The following MTR variants were observed in gnomAD, a reference collection of about 807,000 sequenced individuals.
MTR encodes 5-methyltetrahydrofolate-homocysteine methyltransferase.
MTR carries 84 observed loss-of-function variants against 154.8 expected under a neutral mutation model. The ratio of observed to expected loss-of-function variants is 0.54; its 90% confidence interval spans 0.45 to 0.65. MTR has a LOEUF of 0.65. Ranked by LOEUF, MTR falls within the 30% of genes least tolerant of loss-of-function variation. The probability of loss-of-function intolerance (pLI) is 0.00; values close to 1 mark genes in which losing one functional copy is unlikely to be tolerated. For synonymous variants in MTR, 554 were observed against 553.9 expected, an observed-to-expected ratio of 1.00 and a Z score of 0.00; for missense variants, 1,275 against 1,570.2, an observed-to-expected ratio of 0.81 and a Z score of 3.18.
rs1047668779 is a variant in MTR at position 236,884,978 on chromosome 1, C to T, written c.2677-143C>T. 3 of 686,782 alleles carry T rather than the reference C, an allele frequency of 4.4e-6. No individual in the cohort carries two copies. Among genetic ancestry groups the T allele is most frequent in the South Asian group, 1.6e-5 (1 of 64,458 alleles). The allele number at this position is 686,782 out of a possible 1,614,324, so 42.5% of individuals were successfully genotyped here. A position where few individuals can be genotyped will look rare whatever the true frequency, so the allele number is the denominator to read the frequency against. On this transcript the variant is annotated intron_variant, in intron 25 of 32. Coordinates refer to ENST00000366577, the MANE Select transcript of MTR (RefSeq NM_000254.3). ...CCCACTGAGTTTACCTTTTCCTGCACGCCAGGCAGGAATTAGCACAGTTGG... is the reference window on the plus strand; with the variant it reads ...CCCACTGAGTTTACCTTTTCCTGCATGCCAGGCAGGAATTAGCACAGTTGG...
chr1:236,858,398 C>G (rs1300159442), intron 18 of MTR, among the ~76,000 whole-genome samples: 1 of 152,142 alleles, frequency 6.6e-6, no homozygotes, highest in African/African-American at 2.4e-5. Context: ...GGGTCCCTCC[C>G]ACGACGTGTG....
At chr1:236,871,230 G>A (rs1665111118) in intron 22 of MTR, among the ~76,000 whole-genome samples, 1 of 152,156 alleles carries the variant, frequency 6.6e-6, no homozygotes, top group African/African-American at 2.4e-5. Flanking sequence ...TGGAGTCCAA[G>A]CTTCAGGTTG....
At chr1:236,854,539 A>G (rs887813693) in intron 18 of MTR, among the ~76,000 whole-genome samples, 2 of 152,174 alleles carry the variant, frequency 1.3e-5, no homozygotes, top group Admixed American at 6.5e-5. Context: ...TCTTCTACCT[A>G]GTAGGGGGTC....
At chr1:236,796,411 C>G (rs966704952) in intron 1 of MTR, among the ~76,000 whole-genome samples, 1 of 152,108 alleles carries the variant, frequency 6.6e-6, no homozygotes, top group Non-Finnish European at 1.5e-5. Flanking sequence ...CTCTAGATCT[C>G]TAAGGTCATG....
At chr1:236,828,818 T>TTG (rs369362781) in intron 11 of MTR, among the ~76,000 whole-genome samples, 4 of 151,984 alleles carry the variant, frequency 2.6e-5, no homozygotes, top group African/African-American at 9.6e-5. Flanking sequence ...GAAGCAAGGA[T>TTG]TGTGTGTGTG....
intron 5 of MTR, among the ~76,000 whole-genome samples, chr1:236,812,033 A>T (rs975026393): frequency 2.0e-5 from 3 of 152,194 alleles, no homozygotes; most frequent in African/African-American, 7.2e-5. Context: ...GGCGTGTGCC[A>T]TCACGCCTGG....
intron 24 of MTR, among the ~76,000 whole-genome samples, chr1:236,875,698 CATAGGTATGCCACAATAAAGGTCTGGTT>C (rs1382887461): frequency 6.6e-6 from 1 of 152,014 alleles, no homozygotes; most frequent in Non-Finnish European, 1.5e-5. Flanking sequence ...GGTCTGGTTC[CATAGGTATGCCACAATAAAGGTCTGGTT>C]ATAGGTATGC....
intron 11 of MTR, 81 bp from the exon 12 acceptor site, chr1:236,829,108 T>A: frequency 9.2e-7 from 1 of 1,091,222 alleles, no homozygotes; most frequent in South Asian, 1.3e-5. Context: ...AATTTTATAG[T>A]TAAAATTAGT....
intron 1 of MTR, among the ~76,000 whole-genome samples, chr1:236,797,357 A>G (rs1438251108): frequency 2.6e-5 from 4 of 152,208 alleles, no homozygotes; most frequent in Non-Finnish European, 5.9e-5. Flanking sequence ...ACTTCAGACC[A>G]TGGTTGTGTG....
In MTR at chr1:236,806,236, A is replaced by G; in HGVS notation, c.339+3A>G. On this transcript the variant is annotated splice_donor_region_variant and intron_variant, in intron 3 of 32. Coordinates refer to ENST00000366577, the MANE Select transcript of MTR (RefSeq NM_000254.3). ...CTGACTATGGCCTTGAACACTTGGT[A>G]AGAATTCCATTGTTCCATGTGTCTA... The G allele has an allele frequency of 1.2e-6, 2 of 1,610,680 alleles. No homozygotes were observed. Among genetic ancestry groups the G allele is most frequent in the Non-Finnish European group, 1.7e-6 (2 of 1,176,900 alleles).
rs1660811145 is a variant in MTR, at chr1:236,803,586, G to A, written c.193G>A (p.Gly65Ser). The change falls in exon 2 of 33, where the codon GGC (glycine) becomes AGC (serine). Residue 65 changes from glycine (G) to serine (S), a missense_variant. Physicochemically the swap from Gly to Ser is moderately conservative, Grantham distance 56. Transcript: ENST00000366577. The part of the protein sequence containing the change: ...EFKDHARPLK[G>S]NNDILSITQP... ...TAAAGATCATGCCAGGCCGCTGAAA[G>A]GCAACAATGACATTTTAAGTATAAC... 1 of 1,614,156 alleles carries A rather than the reference G, an allele frequency of 6.2e-7. No homozygotes were observed. The highest frequency in any genetic ancestry group is 8.5e-7 in the Non-Finnish European group (1 of 1,180,018).
intron 3 of MTR, among the ~76,000 whole-genome samples, chr1:236,807,528 C>T (rs1367081934): frequency 6.6e-6 from 1 of 152,194 alleles, no homozygotes; most frequent in Middle Eastern, 3.2e-3. Flanking sequence ...AGTATTTCCA[C>T]ATCCTCACCA....
intron 15 of MTR, among the ~76,000 whole-genome samples, chr1:236,839,007 G>A (rs947479154): frequency 2.0e-5 from 3 of 152,086 alleles, no homozygotes; most frequent in Non-Finnish European, 4.4e-5. Flanking sequence ...TAAACGTATC[G>A]AAACAGAAAA....
intron 22 of MTR, among the ~76,000 whole-genome samples, chr1:236,873,024 A>G (rs570751716): frequency 2.6e-5 from 4 of 152,348 alleles, no homozygotes; most frequent in Admixed American, 1.3e-4. Flanking sequence ...CAAAAAGCTG[A>G]GCACAGTGTC....
chr1:236,842,351 A>G (rs1457405793), intron 15 of MTR, among the ~76,000 whole-genome samples: 2 of 152,198 alleles, frequency 1.3e-5, no homozygotes, highest in African/African-American at 4.8e-5. Flanking sequence ...TCACAGCTGC[A>G]GTGGTAGGAA....
Position 236,812,791 on chromosome 1 carries a change from G to T in MTR, c.556G>T (p.Gly186Cys). The T allele has an allele frequency of 6.2e-7, 1 of 1,614,144 alleles. No individual in the cohort carries two copies. The highest frequency in any genetic ancestry group is 2.2e-5 in the East Asian group (1 of 44,868). The change falls in exon 6 of 33, where the codon GGC becomes TGC. Residue 186 changes from glycine (G) to cysteine (C), a missense_variant. Coordinates refer to ENST00000366577, the MANE Select transcript of MTR (RefSeq NM_000254.3). ...YQEQAKGLLD[G>C]GVDILLIETI... is the part of the protein sequence containing the mutation. ...AGAGCAGGCCAAAGGACTTCTGGAT[G>T]GCGGGGTTGATATCTTACTCATTGA... is the stretch of plus-strand genomic sequence containing the variant.
chr1:236,825,468 T>G, intron 10 of MTR, 69 bp downstream of exon 10: 3 of 1,426,800 alleles, frequency 2.1e-6, no homozygotes, highest in Non-Finnish European at 3.0e-6. Flanking sequence ...TTAGAGTATT[T>G]AGAAGGAGAA....
chr1:236,841,544 G>C (rs567318451), intron 15 of MTR, among the ~76,000 whole-genome samples: 1 of 152,154 alleles, frequency 6.6e-6, no homozygotes, highest in Admixed American at 6.5e-5. Flanking sequence ...AAGTAGGCCA[G>C]CTGCACAGCT....
intron 15 of MTR, among the ~76,000 whole-genome samples, chr1:236,848,100 T>C (rs892907251): frequency 2.6e-5 from 4 of 152,320 alleles, no homozygotes; most frequent in Admixed American, 2.6e-4. Flanking sequence ...CTAGACGCCA[T>C]GAGAACAATT....
Sources: gnomAD v4.1 joint callset for allele counts (sites outside exome capture counted in the v4.1 genomes callset) on GRCh38, gnomAD v4.1.1 for gene constraint, MANE v1.5 for transcripts, NCBI Gene and HGNC (gene_info 2026-07-23, HGNC 2026-07-21) for gene names.